DMD: variants seen among roughly 807,000 people sequenced by gnomAD.
DMD encodes dystrophin.
Under a neutral mutation model 330.1 loss-of-function variants are expected in DMD, and 63 were observed. The observed-to-expected ratio is 0.19, with a 90% CI of 0.16 to 0.24. The LOEUF (loss-of-function observed/expected upper bound fraction) is 0.24. Among genes scored for constraint, DMD ranks in the 10% least tolerant of loss-of-function variants. DMD has a pLI of 1.00. For synonymous variants in DMD, 1,223 were observed against 959.8 expected (o/e 1.27, Z -5.07); for missense variants, 3,344 against 2,684.1 (o/e 1.25, Z -5.43).
chrX:33,140,876 A>G (rs2047760737), intron 1 of DMD, among the ~76,000 whole-genome samples: 1 of 112,024 alleles, frequency 8.9e-6, no homozygotes, highest in Admixed American at 9.5e-5. Context: ...ATACAGATTA[A>G]GTATATTTAC....
At chrX:31,586,952 CT>C (rs1182833441) in intron 55 of DMD, among the ~76,000 whole-genome samples, 3 of 111,747 alleles carry the variant, frequency 2.7e-5, no homozygotes, top group Non-Finnish European at 3.8e-5. Context: ...TGGGTATCTA[CT>C]TTTTTTATTT....
intron 9 of DMD, among the ~76,000 whole-genome samples, chrX:32,666,851 A>C (rs780725936): frequency 1.6e-4 from 17 of 108,648 alleles, no homozygotes; most frequent in African/African-American, 2.7e-4. Flanking sequence ...CAGCAAGCAA[A>C]GACAAAGCAA....
chrX:32,961,920 A>G (rs1318297202), intron 2 of DMD, among the ~76,000 whole-genome samples: 2 of 111,918 alleles, frequency 1.8e-5, no homozygotes. Context: ...TTAATTTCTT[A>G]TGGATAATTT....
chrX:31,279,730 C>A (rs1184219968), intron 62 of DMD, among the ~76,000 whole-genome samples: 2 of 112,330 alleles, frequency 1.8e-5, no homozygotes, highest in African/African-American at 6.5e-5. Flanking sequence ...AACAGTAGTA[C>A]AACTGGTCAC....
chrX:31,569,038 C>T (rs1030563323), intron 55 of DMD, among the ~76,000 whole-genome samples: 3 of 111,356 alleles, frequency 2.7e-5, no homozygotes, highest in African/African-American at 9.7e-5. Context: ...TTAGGTATGT[C>T]TTCTTTTAAA....
chrX:32,752,668 C>A (rs1342823954), intron 7 of DMD, among the ~76,000 whole-genome samples: 1 of 107,456 alleles, frequency 9.3e-6, no homozygotes, highest in African/African-American at 3.4e-5. Flanking sequence ...TGGGAGGGGC[C>A]GGGGGTGGAA....
intron 6 of DMD, among the ~76,000 whole-genome samples, chrX:32,814,437 G>A (rs894508890): frequency 7.2e-5 from 8 of 111,886 alleles, no homozygotes; most frequent in African/African-American, 2.6e-4. Flanking sequence ...TTGAAATGAG[G>A]GCACCTCATG....
intron 23 of DMD, among the ~76,000 whole-genome samples, chrX:32,468,285 T>C (rs1319511205): frequency 9.0e-6 from 1 of 110,769 alleles, no homozygotes; most frequent in Non-Finnish European, 1.9e-5. Context: ...AATAGAAAAT[T>C]CATTCTAAAA....
At chrX:31,164,250 A>T (rs1484269279) in intron 74 of DMD, among the ~76,000 whole-genome samples, 4 of 111,392 alleles carry the variant, frequency 3.6e-5, no homozygotes. Flanking sequence ...CACAGTCCTA[A>T]TATCTCAGGC....
chrX:31,556,768 G>A (rs2074866497), intron 55 of DMD, among the ~76,000 whole-genome samples: 1 of 112,038 alleles, frequency 8.9e-6, no homozygotes, highest in Non-Finnish European at 1.9e-5. Context: ...GATCTAAAGT[G>A]TCATTGAAAG....
intron 1 of DMD, among the ~76,000 whole-genome samples, chrX:33,044,063 T>C (rs1250078512): frequency 9.0e-6 from 1 of 111,413 alleles, no homozygotes; most frequent in East Asian, 2.9e-4. Context: ...ACAATCAGAA[T>C]GGAACACTTT....
chrX:32,158,400 A>T (rs1165886580), intron 44 of DMD, among the ~76,000 whole-genome samples: 4 of 110,872 alleles, frequency 3.6e-5, no homozygotes, highest in Non-Finnish European at 3.8e-5. Flanking sequence ...TCGAAAGTAA[A>T]GAAAAAAGAA....
At chrX:32,784,477 A>G (rs2075181039) in intron 7 of DMD, among the ~76,000 whole-genome samples, 2 of 112,119 alleles carry the variant, frequency 1.8e-5, no homozygotes, top group African/African-American at 3.2e-5. Flanking sequence ...TCAACAAGAG[A>G]AAATAAATCC....
chrX:31,505,880 C>T (rs2070894122), intron 56 of DMD, among the ~76,000 whole-genome samples: 2 of 111,464 alleles, frequency 1.8e-5, no homozygotes, highest in Non-Finnish European at 3.8e-5. Context: ...GATCCACCTG[C>T]CTCGGCCTCC....
intron 57 of DMD, among the ~76,000 whole-genome samples, chrX:31,483,281 C>T (rs184149182): frequency 0.011 from 1,154 of 109,609 alleles, 34 homozygotes; most frequent in African/African-American, 0.036. Flanking sequence ...CTCCCAACCT[C>T]GTGATCTGCC....
rs186169705 is a variant in DMD at position 32,875,567 on chromosome X, G to A, written c.94-25747C>T. Among the ~76,000 whole-genome samples, 515 of 111,961 alleles carry A rather than the reference G, an allele frequency of 4.6e-3. 3 individuals carry two copies. Among genetic ancestry groups the A allele is most frequent in the Non-Finnish European group, 7.7e-3 (411 of 53,182 alleles). On this transcript the variant is annotated intron_variant, in intron 2 of 78. Coordinates refer to ENST00000357033, the MANE Select transcript of DMD (RefSeq NM_004006.3). ...ACCGAAGAATAAATGAATGACTATTGGATAAGTGAATTAGTGAGTGAATGA... is the reference window on the plus strand; with the variant it reads ...ACCGAAGAATAAATGAATGACTATTAGATAAGTGAATTAGTGAGTGAATGA...
At chrX:32,616,896 C>G (rs953107672) in intron 11 of DMD, among the ~76,000 whole-genome samples, 1 of 108,485 alleles carries the variant, frequency 9.2e-6, no homozygotes, top group African/African-American at 3.3e-5. Flanking sequence ...TTAATTTATC[C>G]ATCTCTCTCC....
At chrX:31,559,869 T>C (rs2075098425) in intron 55 of DMD, among the ~76,000 whole-genome samples, 1 of 110,917 alleles carries the variant, frequency 9.0e-6, no homozygotes, top group African/African-American at 3.3e-5. Context: ...ATGAACCTCT[T>C]ACTTGCTGAA....
At chrX:32,669,018 C>T (rs937031329) in intron 9 of DMD, among the ~76,000 whole-genome samples, 16 of 110,933 alleles carry the variant, frequency 1.4e-4, no homozygotes, top group African/African-American at 4.6e-4. Context: ...CAGGAATTTA[C>T]GGTGTACTGT....
Sources: gnomAD v4.1 joint callset for allele counts (sites outside exome capture counted in the v4.1 genomes callset) on GRCh38, gnomAD v4.1.1 for gene constraint, MANE v1.5 for transcripts, NCBI Gene and HGNC (gene_info 2026-07-23, HGNC 2026-07-21) for gene names.